PRPF6: variants seen among roughly 807,000 people sequenced by gnomAD.
The protein encoded by PRPF6 is pre-mRNA-processing factor 6.
Under a neutral mutation model 118.3 loss-of-function variants are expected in PRPF6, and 42 were observed. The ratio of observed to expected loss-of-function variants is 0.35; its 90% confidence interval spans 0.28 to 0.46. PRPF6 has a LOEUF of 0.46. Among genes scored for constraint, PRPF6 ranks in the 20% least tolerant of loss-of-function variants. The pLI, the probability that PRPF6 is intolerant of heterozygous loss-of-function variation, is 1.00. For synonymous variants in PRPF6, 481 were observed against 485.1 expected (o/e 0.99, Z 0.11); for missense variants, 662 against 1,255.7 (o/e 0.53, Z 7.15).
chr20:64,013,133 T>A (rs1256446687), intron 11 of PRPF6, among the ~76,000 whole-genome samples: 1 of 152,000 alleles, frequency 6.6e-6, no homozygotes, highest in Non-Finnish European at 1.5e-5. Flanking sequence ...CCCAGCTAAT[T>A]TTTGTATTTT....
chr20:63,999,608 T>C lies in PRPF6; in HGVS notation c.872T>C (p.Ile291Thr). 6.2e-7 allele frequency: 1 copy of C among 1,614,038 alleles called. No individual in the cohort carries two copies. Among genetic ancestry groups the C allele is most frequent in the Non-Finnish European group, 8.5e-7 (1 of 1,180,042 alleles). Residue 291 changes from isoleucine to threonine, a missense_variant, in exon 8 of 21, where the codon ATC (isoleucine) becomes ACC (threonine). Physicochemically the swap from Ile to Thr is moderately conservative, Grantham distance 89 (BLOSUM62 -1). Transcript: ENST00000266079. Reference sequence around the variant, plus strand: ...GTGCACTCTCCCTCTCATAGTGATATCAAGAAGGCGCGACTGCTCCTCAAG... The same window carrying C: ...GTGCACTCTCCCTCTCATAGTGATACCAAGAAGGCGCGACTGCTCCTCAAG... ...IPTHGGDIND[I>T]KKARLLLKSV...
chr20:64,004,008 A>G (rs1439560749), intron 9 of PRPF6, among the ~76,000 whole-genome samples: 3 of 152,238 alleles, frequency 2.0e-5, no homozygotes, highest in Non-Finnish European at 2.9e-5. Flanking sequence ...TCTTTGATGA[A>G]GAGCCCATGA....
intron 1 of PRPF6, among the ~76,000 whole-genome samples, chr20:63,982,080 A>G (rs990181064): frequency 2.6e-5 from 4 of 152,170 alleles, no homozygotes; most frequent in African/African-American, 9.7e-5. Flanking sequence ...ATGTACAGCG[A>G]ATAGAATAGA....
chr20:64,000,980 TG>T, intron 8 of PRPF6, 96 bp from the exon 9 acceptor site: 1 of 1,399,656 alleles, frequency 7.1e-7, no homozygotes. Flanking sequence ...TCGTAAATTC[TG>T]GGGCCCGAGG....
intron 9 of PRPF6, among the ~76,000 whole-genome samples, chr20:64,005,759 G>A (rs1210532858): frequency 6.6e-6 from 1 of 152,030 alleles, no homozygotes; most frequent in Non-Finnish European, 1.5e-5. Context: ...TTTTGAGACA[G>A]GATCTTGCTC....
In PRPF6 at chr20:64,032,946, G is replaced by A. The variant is rs145731410; in HGVS notation, c.2779G>A (p.Gly927Arg). ...CATCGCCAACTGGCAGAAGAAGATC[G>A]GGGACATCCTTAGGCTGGTGGCCGG... ...KDIANWQKKI[G>R]DILRLVAGRI... Residue 927 changes from glycine to arginine, a missense_variant, in exon 21 of 21, where the codon GGG (glycine) becomes AGG (arginine). Gly to Arg is a moderately radical substitution (Grantham distance 125, BLOSUM62 -2). Around this residue, in one of 10 missense-constraint regions of PRPF6, gnomAD observed 244 missense variants for 383.7 expected, o/e 0.64. Coordinates refer to ENST00000266079, the MANE Select transcript of PRPF6 (RefSeq NM_012469.4). 179 of 1,613,462 alleles carry A rather than the reference G, an allele frequency of 1.1e-4. No homozygotes were observed. The highest frequency in any genetic ancestry group is 2.7e-5 in the African/African-American group (2 of 75,060).
rs113649852 is a variant in PRPF6, at chr20:64,029,374, T to C, written c.2432-3T>C. 8 of 1,612,856 alleles carry C rather than the reference T, an allele frequency of 5.0e-6. No individual in the cohort carries two copies. Among genetic ancestry groups the C allele is most frequent in the Non-Finnish European group, 6.8e-6 (8 of 1,178,966 alleles). On this transcript the variant is annotated splice_region_variant and splice_polypyrimidine_tract_variant and intron_variant, in intron 18 of 20. Coordinates refer to ENST00000266079, the MANE Select transcript of PRPF6 (RefSeq NM_012469.4). This position sits in a 1 kb window ranked among gnomAD's most constrained non-coding sequence, Gnocchi z 4.8. ...ATCTTTGTTCTTTGTTTCTGAATTA[T>C]AGGTATCCTGTGGTCTGAGGCCATC... is the stretch of plus-strand genomic sequence containing the variant.
Position 64,027,726 on chromosome 20 carries a change from C to G in PRPF6, c.2329C>G (p.Pro777Ala). ...GTCTCGTCTGAAGAACCCAAAGAAC[C>G]CTGGGCTGTGGTGAGTCCTGGAGGG... ...EKSRLKNPKN[P>A]GLWLESVRLE... Residue 777 changes from proline to alanine, a missense_variant, in exon 17 of 21, where the codon CCT (proline) becomes GCT (alanine). Coordinates refer to ENST00000266079, the MANE Select transcript of PRPF6 (RefSeq NM_012469.4). The surrounding 1 kb of genome is among the most constrained non-coding windows in gnomAD (Gnocchi z 6.5). 6.2e-7 allele frequency: 1 copy of G among 1,613,952 alleles called. No individual in the cohort carries two copies. The highest frequency in any genetic ancestry group is 8.5e-7 in the Non-Finnish European group (1 of 1,180,008).
rs138770965 is a variant in PRPF6 at position 63,988,162 on chromosome 20, A to G, written c.359+3137A>G. Among the ~76,000 whole-genome samples the G allele has an allele frequency of 2.6e-4, 40 of 152,206 alleles. No individual in the cohort carries two copies. In the East Asian group the frequency reaches 7.7e-3, roughly 29 times the overall value. Reference sequence around the variant, plus strand: ...TAGTGAAACCCTGTCTCTACTAAAAATACAAAAATTAGCTGGGTGTAGTGG... The same window carrying G: ...TAGTGAAACCCTGTCTCTACTAAAAGTACAAAAATTAGCTGGGTGTAGTGG... On this transcript the variant is annotated intron_variant, in intron 3 of 20. Transcript: ENST00000266079.
At position 64,011,533 on chromosome 20, in the gene PRPF6, G is replaced by T. The variant is rs1022364506; in HGVS notation, c.1524+30G>T. On this transcript the variant is annotated intron_variant, in intron 11 of 20. Coordinates refer to ENST00000266079, the MANE Select transcript of PRPF6 (RefSeq NM_012469.4). This position sits in a 1 kb window ranked among gnomAD's most constrained non-coding sequence, Gnocchi z 6.7. ...GCCGCAGGCGGGTGTCGTGGTGTCTGCTTTAACAGTGCACATGCAGCACGT... is the reference window on the plus strand; with the variant it reads ...GCCGCAGGCGGGTGTCGTGGTGTCTTCTTTAACAGTGCACATGCAGCACGT... 1 of 1,593,834 alleles carries T rather than the reference G, an allele frequency of 6.3e-7. No individual in the cohort carries two copies. The highest frequency in any genetic ancestry group is 1.3e-5 in the African/African-American group (1 of 74,486).
chr20:64,028,575 G>A lies in PRPF6; in HGVS notation c.2431+6G>A. ...GCAGGAGTGCCCCAACTCCGGTAAG[G>A]GGGTGCCCCGACTCCGGTAAGGGGG... is the stretch of plus-strand genomic sequence containing the variant. On this transcript the variant is annotated splice_donor_region_variant and intron_variant, in intron 18 of 20. Transcript: ENST00000266079. This position sits in a 1 kb window ranked among gnomAD's most constrained non-coding sequence, Gnocchi z 6.5. 1 of 1,608,642 alleles carries A rather than the reference G, an allele frequency of 6.2e-7. No homozygotes were observed. Among genetic ancestry groups the A allele is most frequent in the Non-Finnish European group, 8.5e-7 (1 of 1,177,544 alleles).
intron 14 of PRPF6, among the ~76,000 whole-genome samples, chr20:64,025,172 A>G (rs2059283210): frequency 6.6e-6 from 1 of 152,182 alleles, no homozygotes; most frequent in Admixed American, 6.5e-5. Flanking sequence ...GGCTAATATC[A>G]TAGAGTGTGC....
chr20:64,011,203 C>T lies in PRPF6; in HGVS notation c.1306-82C>T. The T allele has an allele frequency of 7.5e-7, 1 of 1,330,878 alleles. No individual in the cohort carries two copies. The highest frequency in any genetic ancestry group is 1.1e-6 in the Non-Finnish European group (1 of 937,104). The allele number at this position is 1,330,878 out of a possible 1,614,324, so 82.4% of individuals were successfully genotyped here. On this transcript the variant is annotated intron_variant, in intron 10 of 20. Transcript: ENST00000266079. This position sits in a 1 kb window ranked among gnomAD's most constrained non-coding sequence, Gnocchi z 6.7. ...CTAAGAAAGAACGTGGTGGCCAACG[C>T]TGGAGGGTGGGTCGCTGTCTGGCCT...
intron 3 of PRPF6, among the ~76,000 whole-genome samples, chr20:63,989,782 G>A (rs768048683): frequency 6.6e-6 from 1 of 151,880 alleles, no homozygotes; most frequent in African/African-American, 2.4e-5. Flanking sequence ...CAAAGTGCTG[G>A]GATTACAGAC....
chr20:64,011,239 C>A lies in PRPF6; in HGVS notation c.1306-46C>A. The A allele has an allele frequency of 6.3e-7, 1 of 1,586,280 alleles. No individual in the cohort carries two copies. The highest frequency in any genetic ancestry group is 1.1e-5 in the South Asian group (1 of 89,990). On this transcript the variant is annotated intron_variant, in intron 10 of 20. Transcript: ENST00000266079. The surrounding 1 kb of genome is among the most constrained non-coding windows in gnomAD (Gnocchi z 6.7). ...GTCGCTGTCTGGCCTGCAGCTGTCC[C>A]CCCAGCACAGTGTCCTCTCCTTTTT...
intron 9 of PRPF6, among the ~76,000 whole-genome samples, chr20:64,004,068 TC>T (rs2059179563): frequency 6.6e-6 from 1 of 152,240 alleles, no homozygotes; most frequent in Non-Finnish European, 1.5e-5. Flanking sequence ...ATTGAATTCT[TC>T]CTGCCACAGT....
Position 64,001,252 on chromosome 20 carries a change from C to G in PRPF6, c.1186+13C>G, listed in dbSNP as rs376567998. ...GTTCTTCGGAAAGGTGAGCCTCCCT[C>G]GGAGGTGCTGCTTTCTCCCTCCTTG... On this transcript the variant is annotated intron_variant, in intron 9 of 20. Transcript: ENST00000266079. 2 of 1,614,172 alleles carry G rather than the reference C, an allele frequency of 1.2e-6. No individual in the cohort carries two copies. Among genetic ancestry groups the G allele is most frequent in the East Asian group, 2.2e-5 (1 of 44,884 alleles).
rs4809250 is a variant in PRPF6 at position 64,021,737 on chromosome 20, G to A, written c.1648-1020G>A. ...CAGCCACAGCCCCGTGTGTGTGCGT[G>A]TGTGTGTGTGCACGTATGCATATGC... On this transcript the variant is annotated intron_variant, in intron 12 of 20. Coordinates refer to ENST00000266079, the MANE Select transcript of PRPF6 (RefSeq NM_012469.4). Among the ~76,000 whole-genome samples, 99 of 150,910 alleles carry A rather than the reference G, an allele frequency of 6.6e-4. 1 individual carries two copies. The East Asian group carries it at 7.0e-3, about 11-fold the overall frequency.
At chr20:63,986,152 C>A (rs570296262) in intron 3 of PRPF6, among the ~76,000 whole-genome samples, 1 of 151,896 alleles carries the variant, frequency 6.6e-6, no homozygotes, top group African/African-American at 2.4e-5. Context: ...ACCAGTCTGG[C>A]CAACCTAGTG....
Sources: gnomAD v4.1 joint callset for allele counts (sites outside exome capture counted in the v4.1 genomes callset) on GRCh38, gnomAD v4.1.1 for gene constraint, gnomAD v4.1.1 regional missense constraint, Gnocchi (gnomAD v3.1) non-coding constraint, MANE v1.5 for transcripts, NCBI Gene and HGNC (gene_info 2026-07-23, HGNC 2026-07-21) for gene names.